The following SPATA16 variants were observed in gnomAD, a reference collection of about 807,000 sequenced individuals.
SPATA16 encodes the protein spermatogenesis-associated protein 16.
SPATA16 carries 36 observed loss-of-function variants against 63.3 expected under a neutral mutation model. The observed-to-expected ratio is 0.57, with a 90% CI of 0.44 to 0.75. SPATA16 has a LOEUF of 0.75. SPATA16 is among the 30% of genes least tolerant of loss of function. The pLI is 0.00. For missense variants in SPATA16, 646 were observed against 679.3 expected (o/e 0.95, Z 0.54); for synonymous variants, 203 against 216.7 (o/e 0.94, Z 0.56).
At chr3:172,920,242 T>C (rs947353226) in intron 8 of SPATA16, among the ~76,000 whole-genome samples, 1 of 152,208 alleles carries the variant, frequency 6.6e-6, no homozygotes, top group African/African-American at 2.4e-5. Context: ...GTCACCAAAT[T>C]GTGAGGGTCA....
At chr3:173,053,894 T>C (rs1055870783) in intron 2 of SPATA16, among the ~76,000 whole-genome samples, 7 of 152,144 alleles carry the variant, frequency 4.6e-5, no homozygotes, top group Non-Finnish European at 1.0e-4. Flanking sequence ...GAGAAAGTTA[T>C]CCATAACCCT....
At chr3:173,009,825 A>G (rs1259779979) in intron 4 of SPATA16, among the ~76,000 whole-genome samples, 1 of 152,230 alleles carries the variant, frequency 6.6e-6, no homozygotes, top group Non-Finnish European at 1.5e-5. Flanking sequence ...ATTGTAAACG[A>G]AAGTGCACTT....
intron 2 of SPATA16, among the ~76,000 whole-genome samples, chr3:173,068,884 G>A (rs996206950): frequency 1.3e-5 from 2 of 151,052 alleles, no homozygotes; most frequent in African/African-American, 2.4e-5. Flanking sequence ...GCCGAGGCGG[G>A]CGGATCACGA....
chr3:172,890,526 C>T (rs1250972469), intron 10 of SPATA16, among the ~76,000 whole-genome samples: 7 of 152,134 alleles, frequency 4.6e-5, no homozygotes, highest in African/African-American at 7.2e-5. Flanking sequence ...AAAGCTAGAG[C>T]ACTTACTATT....
At chr3:173,097,182 A>G (rs1737379113) in intron 2 of SPATA16, among the ~76,000 whole-genome samples, 2 of 152,138 alleles carry the variant, frequency 1.3e-5, no homozygotes, top group South Asian at 4.1e-4. Flanking sequence ...TCTAGATGCC[A>G]CCCACACATA....
intron 10 of SPATA16, among the ~76,000 whole-genome samples, chr3:172,899,725 A>AT (rs1231367707): frequency 2.0e-5 from 3 of 151,784 alleles, no homozygotes; most frequent in Non-Finnish European, 4.4e-5. Flanking sequence ...GAGGTTAAAC[A>AT]TTTTTCAGAA....
At chr3:172,922,377 A>G (rs1323021418) in intron 8 of SPATA16, among the ~76,000 whole-genome samples, 1 of 152,214 alleles carries the variant, frequency 6.6e-6, no homozygotes, top group African/African-American at 2.4e-5. Flanking sequence ...TATTAATTAG[A>G]TGTTAAGAAT....
At chr3:173,028,023 T>TTCTTTCCTTCCTTCCTTCC (rs1553794825) in intron 3 of SPATA16, among the ~76,000 whole-genome samples, 2 of 36,656 alleles carry the variant, frequency 5.5e-5, no homozygotes, top group African/African-American at 1.2e-4. Context: ...CCCTTCCTTC[T>TTCTTTCCTTCCTTCCTTCC]TTCCTTCCTT....
At chr3:173,066,364 G>C (rs1175475415) in intron 2 of SPATA16, among the ~76,000 whole-genome samples, 1 of 152,198 alleles carries the variant, frequency 6.6e-6, no homozygotes, top group Non-Finnish European at 1.5e-5. Flanking sequence ...TATTGTTCTT[G>C]TCTGCAAGAC....
intron 2 of SPATA16, among the ~76,000 whole-genome samples, chr3:173,092,208 C>CCATT (rs1737242551): frequency 6.6e-6 from 1 of 152,098 alleles, no homozygotes; most frequent in Admixed American, 6.6e-5. Context: ...ATACTGCCAT[C>CCATT]CATGAACTCT....
At chr3:173,076,423 A>G (rs1250122048) in intron 2 of SPATA16, among the ~76,000 whole-genome samples, 2 of 151,980 alleles carry the variant, frequency 1.3e-5, no homozygotes, top group African/African-American at 4.8e-5. Flanking sequence ...CAGCACACAA[A>G]TGTATATTTT....
intron 10 of SPATA16, among the ~76,000 whole-genome samples, chr3:172,910,223 A>T (rs888804877): frequency 3.3e-5 from 5 of 150,938 alleles, no homozygotes; most frequent in African/African-American, 1.2e-4. Context: ...CCTCCTGAGT[A>T]GCTGGGATTA....
At chr3:172,894,249 A>G (rs977281334) in intron 10 of SPATA16, among the ~76,000 whole-genome samples, 10 of 152,200 alleles carry the variant, frequency 6.6e-5, no homozygotes, top group East Asian at 3.8e-4. Flanking sequence ...TAGAATTACA[A>G]TTGTTTTCAA....
At chr3:172,913,845 ATG>A in intron 9 of SPATA16, 101 bp from the exon 10 acceptor site, 1 of 1,025,034 alleles carries the variant, frequency 9.8e-7, no homozygotes, top group Non-Finnish European at 1.5e-6. Flanking sequence ...TTGTACGCTG[ATG>A]ATTTTATTAC....
chr3:173,102,747 C>G (rs1445241634), intron 2 of SPATA16, among the ~76,000 whole-genome samples: 1 of 152,172 alleles, frequency 6.6e-6, no homozygotes, highest in Non-Finnish European at 1.5e-5. Flanking sequence ...AATCTCATGT[C>G]CTTATCACAT....
intron 4 of SPATA16, among the ~76,000 whole-genome samples, chr3:173,009,374 T>G (rs551279905): frequency 1.3e-5 from 2 of 152,138 alleles, no homozygotes; most frequent in African/African-American, 4.8e-5. Flanking sequence ...GGTGATTGAA[T>G]AAGAGCTCCT....
intron 3 of SPATA16, among the ~76,000 whole-genome samples, chr3:173,025,907 T>C (rs1735440213): frequency 6.6e-6 from 1 of 152,034 alleles, no homozygotes; most frequent in Non-Finnish European, 1.5e-5. Context: ...TCTTTTGATA[T>C]AAGCTTTCAT....
intron 2 of SPATA16, among the ~76,000 whole-genome samples, chr3:173,068,129 T>A (rs9818821): frequency 0.19 from 28,293 of 152,128 alleles, 2,990 homozygotes; most frequent in African/African-American, 0.29. Flanking sequence ...GAAGTTAATG[T>A]ATAACAAGAA....
intron 2 of SPATA16, among the ~76,000 whole-genome samples, chr3:173,092,056 G>A (rs75502717): frequency 1.3e-5 from 2 of 152,262 alleles, no homozygotes; most frequent in East Asian, 3.9e-4. Context: ...CACAATCCTT[G>A]TTGTGTGCAA....
Sources: allele counts gnomAD v4.1 joint callset (sites outside exome capture counted in the v4.1 genomes callset), GRCh38; gene constraint gnomAD v4.1.1; transcripts MANE v1.5; gene names NCBI Gene and HGNC (gene_info 2026-07-23, HGNC 2026-07-21).